Variants in RGSL1 observed in about 807,000 individuals in gnomAD.
RGSL1 encodes the protein regulator of G protein signaling protein-like.
A neutral mutation model predicts 124.7 loss-of-function variants in RGSL1; 97 were observed. The ratio of observed to expected loss-of-function variants is 0.78; its 90% CI spans 0.66 to 0.92. The LOEUF is 0.92. Ranked by LOEUF, RGSL1 falls within the 40% of genes least tolerant of loss-of-function variation. The pLI, the probability that RGSL1 is intolerant of heterozygous loss-of-function variation, is 0.00. For synonymous variants in RGSL1, 424 were observed against 438.1 expected (o/e 0.97, Z 0.40); for missense variants, 1,233 against 1,288.4 (o/e 0.96, Z 0.66).
At chr1:182,532,548 A>G (rs1275556448) in intron 13 of RGSL1, 114 bp from the exon 14 acceptor site, 3 of 928,052 alleles carry the variant, frequency 3.2e-6, no homozygotes, top group South Asian at 1.8e-5. Context: ...TTATTCCTTT[A>G]CGGAGGTGTT....
At chr1:182,555,895 C>T in intron 20 of RGSL1, 129 bp from the exon 21 acceptor site, 2 of 762,144 alleles carry the variant, frequency 2.6e-6, no homozygotes, top group South Asian at 3.5e-5. Flanking sequence ...AAGCCCTATT[C>T]TGAAGCCTGA....
intron 11 of RGSL1, among the ~76,000 whole-genome samples, chr1:182,528,950 G>A (rs748820810): frequency 3.9e-5 from 6 of 152,198 alleles, no homozygotes; most frequent in Non-Finnish European, 5.9e-5. Context: ...CCCAGCGAAG[G>A]GGGAAGCCCT....
intron 9 of RGSL1, among the ~76,000 whole-genome samples, chr1:182,515,720 G>T (rs1426920777): frequency 1.3e-5 from 2 of 152,300 alleles, no homozygotes; most frequent in Admixed American, 6.5e-5. Flanking sequence ...AGCTGGCTAC[G>T]CAGGGTGCCA....
In RGSL1 at chr1:182,473,620, C is replaced by A; in HGVS notation, c.509C>A (p.Thr170Asn). Reference protein sequence around the residue: ...LSIWHPNQSTTRREILSHMQK... With the variant: ...LSIWHPNQSTNRREILSHMQK... ...ATCTGGCATCCCAACCAATCAACCA[C>A]TAGGAGGGAGATCCTGAGCCACATG... Residue 170 changes from threonine to asparagine, a missense_variant, in exon 6 of 22, where the codon ACT becomes AAT. Transcript: ENST00000294854. 6.4e-7 allele frequency: 1 copy of A among 1,550,832 alleles called. No homozygotes were observed. Among genetic ancestry groups the A allele is most frequent in the Non-Finnish European group, 8.7e-7 (1 of 1,146,510 alleles).
At chr1:182,512,243 C>A (rs1657515107) in intron 9 of RGSL1, among the ~76,000 whole-genome samples, 1 of 152,074 alleles carries the variant, frequency 6.6e-6, no homozygotes, top group Non-Finnish European at 1.5e-5. Context: ...GCTAAGTTGA[C>A]CTCTTTATTA....
rs200458238 is a variant in RGSL1 at position 182,540,304 on chromosome 1, G to A, written c.2552G>A (p.Arg851Gln). Reference protein sequence around the residue: ...GRSAPPSTNVRSADQENGEIT... With the variant: ...GRSAPPSTNVQSADQENGEIT... ...TCAGCTCCACCCTCCACAAATGTCC[G>A]GAGTGCAGACCAAGAGAATGGAGAA... is the stretch of plus-strand genomic sequence containing the variant. The change falls in exon 15 of 22, where the codon CGG (arginine) becomes CAG (glutamine). Residue 851 changes from arginine to glutamine, a missense_variant. Transcript: ENST00000294854. 5.1e-5 allele frequency: 79 copies of A among 1,551,270 alleles called. No homozygotes were observed. The highest frequency in any genetic ancestry group is 9.8e-5 in the East Asian group (4 of 40,904).
At chr1:182,499,625 C>T (rs1170010079) in intron 9 of RGSL1, among the ~76,000 whole-genome samples, 1 of 152,078 alleles carries the variant, frequency 6.6e-6, no homozygotes, top group Non-Finnish European at 1.5e-5. Flanking sequence ...GCTTTTTTAT[C>T]CAGCCTGCCA....
At chr1:182,499,289 T>C (rs1267507048) in intron 9 of RGSL1, among the ~76,000 whole-genome samples, 3 of 152,176 alleles carry the variant, frequency 2.0e-5, no homozygotes, top group Non-Finnish European at 4.4e-5. Flanking sequence ...TCTCCCACTG[T>C]TATTGTGTGA....
intron 9 of RGSL1, among the ~76,000 whole-genome samples, chr1:182,507,872 T>C (rs1397100313): frequency 6.6e-6 from 1 of 152,054 alleles, no homozygotes; most frequent in Non-Finnish European, 1.5e-5. Flanking sequence ...CCCAGCTAAT[T>C]ATTTTATTGT....
At chr1:182,508,290 G>GTTTTTTTTTT (rs58641894) in intron 9 of RGSL1, among the ~76,000 whole-genome samples, 9 of 53,782 alleles carry the variant, frequency 1.7e-4, no homozygotes, top group African/African-American at 5.5e-4. Flanking sequence ...TGGTGGTGGT[G>GTTTTTTTTTT]TTTTTTTTTT....
intron 10 of RGSL1, among the ~76,000 whole-genome samples, chr1:182,522,370 A>G (rs1280724129): frequency 1.3e-5 from 2 of 152,146 alleles, no homozygotes; most frequent in South Asian, 2.1e-4. Flanking sequence ...GTGCAGATCT[A>G]CCTCCTTCCA....
chr1:182,535,984 A>G (rs1659510597), intron 14 of RGSL1, among the ~76,000 whole-genome samples: 1 of 152,078 alleles, frequency 6.6e-6, no homozygotes, highest in Non-Finnish European at 1.5e-5. Context: ...CCTGCTTTCT[A>G]TTACTACAGT....
chr1:182,514,266 C>G (rs1413134244), intron 9 of RGSL1, among the ~76,000 whole-genome samples: 2 of 152,134 alleles, frequency 1.3e-5, no homozygotes. Context: ...GGTCCTCGTC[C>G]TACATAAGCC....
Position 182,451,615 on chromosome 1 carries a change from G to A in RGSL1, c.13+1437G>A, listed in dbSNP as rs147939385. Among the ~76,000 whole-genome samples the A allele has an allele frequency of 4.6e-3, 698 of 151,210 alleles. 2 individuals are homozygous for A. Among genetic ancestry groups the A allele is most frequent in the Non-Finnish European group, 5.9e-3 (400 of 67,822 alleles). ...GCAAACAGGAGGCAGAGTGCGCAGA[G>A]AGGCAGGAAATGAGACTGGGAGGAA... On this transcript the variant is annotated intron_variant, in intron 1 of 21. Transcript: ENST00000294854.
chr1:182,509,331 C>T (rs1657124027), intron 9 of RGSL1, among the ~76,000 whole-genome samples: 1 of 38,474 alleles, frequency 2.6e-5, no homozygotes, highest in Non-Finnish European at 7.4e-5. Flanking sequence ...CCCCCACCTC[C>T]CTCCCGGACG....
chr1:182,462,512 T>C (rs545364036), intron 4 of RGSL1, among the ~76,000 whole-genome samples: 1 of 152,294 alleles, frequency 6.6e-6, no homozygotes, highest in Non-Finnish European at 1.5e-5. Flanking sequence ...CTTTTTTGTT[T>C]TTTCAAGATT....
At position 182,521,997 on chromosome 1, in the gene RGSL1, TTTTTAGA is replaced by T; in HGVS notation, c.1826-1_1831del. 1.3e-6 allele frequency: 2 copies of T among 1,511,796 alleles called. No individual in the cohort carries two copies. The highest frequency in any genetic ancestry group is 1.8e-6 in the Non-Finnish European group (2 of 1,121,122). 93.6% of individuals were successfully genotyped at this position (1,511,796 alleles called of 1,614,324 possible). A position where few individuals can be genotyped will look rare whatever the true frequency, so the allele number is the denominator to read the frequency against. ...AGTGTTCTCCAACTTAGTGATTTTT[TTTTTAGA>T]TTTTAAAATGGAAATTATCAAGGAA... On this transcript the variant is annotated splice_acceptor_variant and splice_polypyrimidine_tract_variant and coding_sequence_variant and intron_variant, in exon 10 of 22. Transcript: ENST00000294854. LOFTEE classifies it high-confidence loss of function.
chr1:182,478,567 A>G (rs1654468076), intron 6 of RGSL1, among the ~76,000 whole-genome samples: 1 of 152,166 alleles, frequency 6.6e-6, no homozygotes, highest in Non-Finnish European at 1.5e-5. Context: ...AAAGAATGAA[A>G]AAGAGCAAAG....
At chr1:182,514,138 C>T (rs1571622661) in intron 9 of RGSL1, among the ~76,000 whole-genome samples, 1 of 152,162 alleles carries the variant, frequency 6.6e-6, no homozygotes, top group East Asian at 1.9e-4. Context: ...GGTGATCCAC[C>T]AACCTCAGCC....
Sources: allele counts gnomAD v4.1 joint callset (sites outside exome capture counted in the v4.1 genomes callset), GRCh38; gene constraint gnomAD v4.1.1; transcripts MANE v1.5; gene names NCBI Gene and HGNC (gene_info 2026-07-23, HGNC 2026-07-21).